The following LINGO2 variants were observed in gnomAD, a reference collection of about 807,000 sequenced individuals.
The protein encoded by LINGO2 is leucine rich repeat and Ig domain containing 2.
In LINGO2, 14 loss-of-function variants were observed where a neutral mutation model predicts 30.6. The ratio of observed to expected loss-of-function variants is 0.46; its 90% confidence interval spans 0.30 to 0.72. The LOEUF is 0.72. Among genes scored for constraint, LINGO2 ranks in the 30% least tolerant of loss-of-function variants. The pLI, the probability that LINGO2 is intolerant of heterozygous loss-of-function variation, is 0.07. For synonymous variants in LINGO2, 317 were observed against 288.5 expected (o/e 1.10, Z -1.00); for missense variants, 729 against 751.7 (o/e 0.97, Z 0.35).
At chr9:27,971,434 T>C (rs978178465) in intron 5 of LINGO2, among the ~76,000 whole-genome samples, 36 of 152,170 alleles carry the variant, frequency 2.4e-4, no homozygotes, top group Admixed American at 2.1e-3. Flanking sequence ...CAGGCTGGAG[T>C]GCGGTGGCCA....
the LINGO2 span, among the ~76,000 whole-genome samples, chr9:29,103,255 A>G: frequency 6.6e-6 from 1 of 150,664 alleles, no homozygotes; most frequent in African/African-American, 2.4e-5. Flanking sequence ...CTGAACTTGT[A>G]TCAAGTTACA....
At chr9:28,897,822 T>C in the LINGO2 span, among the ~76,000 whole-genome samples, 3 of 152,174 alleles carry the variant, frequency 2.0e-5, no homozygotes, top group African/African-American at 7.2e-5. Flanking sequence ...TTTTCTATAC[T>C]TTCTCCTGAT....
intron 2 of LINGO2, among the ~76,000 whole-genome samples, chr9:28,456,749 T>G (rs917364577): frequency 6.6e-6 from 1 of 152,204 alleles, no homozygotes; most frequent in African/African-American, 2.4e-5. Flanking sequence ...TTGAAGCTTC[T>G]AGTTCAAGAA....
intron 4 of LINGO2, among the ~76,000 whole-genome samples, chr9:28,280,335 A>T (rs1823274601): frequency 6.6e-6 from 1 of 152,074 alleles, no homozygotes; most frequent in Non-Finnish European, 1.5e-5. Context: ...TCAAAAGTAC[A>T]ATTTATTGCT....
chr9:29,201,598 A>T, the LINGO2 span, among the ~76,000 whole-genome samples: 11 of 129,688 alleles, frequency 8.5e-5, no homozygotes, highest in African/African-American at 2.7e-4. Flanking sequence ...TGTTATAAAA[A>T]GGCAGGGAAA....
intron 1 of LINGO2, among the ~76,000 whole-genome samples, chr9:28,643,579 A>C (rs1436222108): frequency 6.6e-6 from 1 of 152,260 alleles, no homozygotes; most frequent in East Asian, 1.9e-4. Context: ...AAACCATGAA[A>C]CTATTACAAG....
the LINGO2 span, among the ~76,000 whole-genome samples, chr9:28,679,266 A>G: frequency 6.6e-6 from 1 of 152,116 alleles, no homozygotes; most frequent in African/African-American, 2.4e-5. Flanking sequence ...CCATTATCAA[A>G]GCTACAATAC....
chr9:28,567,051 C>T (rs1391830378), intron 1 of LINGO2, among the ~76,000 whole-genome samples: 1 of 152,018 alleles, frequency 6.6e-6, no homozygotes, highest in Non-Finnish European at 1.5e-5. Flanking sequence ...ACACAGAAAA[C>T]AATAAACAAA....
intron 2 of LINGO2, among the ~76,000 whole-genome samples, chr9:28,467,486 T>A (rs1200700617): frequency 6.6e-6 from 1 of 152,166 alleles, no homozygotes; most frequent in Non-Finnish European, 1.5e-5. Context: ...GAATTCTTCT[T>A]TGTTAATGCT....
the LINGO2 span, among the ~76,000 whole-genome samples, chr9:29,121,134 T>C: frequency 6.6e-6 from 1 of 152,142 alleles, no homozygotes; most frequent in African/African-American, 2.4e-5. Context: ...TTTTTGGAAA[T>C]ATAAAGATGT....
At chr9:27,976,807 T>G (rs10968245) in intron 5 of LINGO2, among the ~76,000 whole-genome samples, 62,908 of 151,924 alleles carry the variant, frequency 0.41, 13,238 homozygotes, top group East Asian at 0.52. Context: ...ATCCTTCATA[T>G]TTTCCAGTTG....
At chr9:29,045,082 G>T in the LINGO2 span, among the ~76,000 whole-genome samples, 3 of 152,034 alleles carry the variant, frequency 2.0e-5, no homozygotes, top group Non-Finnish European at 4.4e-5. Flanking sequence ...GGATAACCAA[G>T]ATGGCAACTA....
chr9:28,864,230 TTAAAA>T, the LINGO2 span, among the ~76,000 whole-genome samples: 4 of 152,088 alleles, frequency 2.6e-5, no homozygotes, highest in South Asian at 4.1e-4. Flanking sequence ...ACCCCTGAAC[TTAAAA>T]TAAAAGTTCA....
At chr9:28,266,149 T>C (rs989789709) in intron 4 of LINGO2, among the ~76,000 whole-genome samples, 1 of 152,032 alleles carries the variant, frequency 6.6e-6, no homozygotes, top group African/African-American at 2.4e-5. Context: ...AGTTCTACCT[T>C]GCTAAAGCTT....
intron 4 of LINGO2, among the ~76,000 whole-genome samples, chr9:28,052,733 G>T (rs1324766130): frequency 2.0e-5 from 3 of 152,022 alleles, no homozygotes; most frequent in Non-Finnish European, 4.4e-5. Flanking sequence ...GAAAGTAAAA[G>T]AATTTTCTTA....
At chr9:28,684,638 C>T in the LINGO2 span, among the ~76,000 whole-genome samples, 2 of 151,782 alleles carry the variant, frequency 1.3e-5, no homozygotes, top group African/African-American at 4.8e-5. Flanking sequence ...CCTGCCTCAG[C>T]CTCCCAAGTA....
chr9:28,921,755 T>C, the LINGO2 span, among the ~76,000 whole-genome samples: 5 of 152,242 alleles, frequency 3.3e-5, no homozygotes, highest in Non-Finnish European at 7.3e-5. Flanking sequence ...TTGTTCAGTG[T>C]CTGGACTGGG....
At chr9:28,831,638 T>TA in the LINGO2 span, among the ~76,000 whole-genome samples, 389 of 151,522 alleles carry the variant, frequency 2.6e-3, 3 homozygotes, top group Admixed American at 0.022. Context: ...TAGTAAAAAG[T>TA]AAAAAAAATA....
intron 2 of LINGO2, among the ~76,000 whole-genome samples, chr9:28,447,522 A>T (rs990018393): frequency 5.9e-5 from 9 of 152,174 alleles, no homozygotes; most frequent in African/African-American, 2.2e-4. Flanking sequence ...GTATTTCATT[A>T]TAGCAGCCCA....
Sources: gnomAD v4.1 joint callset for allele counts (sites outside exome capture counted in the v4.1 genomes callset) on GRCh38, gnomAD v4.1.1 for gene constraint, MANE v1.5 for transcripts, NCBI Gene and HGNC (gene_info 2026-07-23, HGNC 2026-07-21) for gene names.